The following LOC400499 variants were observed in gnomAD, a reference collection of about 807,000 sequenced individuals.
At chr16:11,514,841 G>A in the LOC400499 span, among the ~76,000 whole-genome samples, 1 of 152,216 alleles carries the variant, frequency 6.6e-6, no homozygotes. Context: ...GCGTCAGTAT[G>A]AAAACATTTC....
At chr16:11,491,743 C>A in the LOC400499 span, 2 of 392,914 alleles carry the variant, frequency 5.1e-6, no homozygotes, top group Non-Finnish European at 9.0e-6. Flanking sequence ...CGCACCTGGG[C>A]AAACACCTCC....
At chr16:11,438,556 A>C in the LOC400499 span, among the ~76,000 whole-genome samples, 1 of 142,886 alleles carries the variant, frequency 7.0e-6, no homozygotes, top group Admixed American at 7.3e-5. Context: ...GGATCACTTG[A>C]GCCCAGGAGC....
At chr16:11,421,158 G>C in the LOC400499 span, among the ~76,000 whole-genome samples, 1 of 152,174 alleles carries the variant, frequency 6.6e-6, no homozygotes, top group East Asian at 1.9e-4. Context: ...GAGACTCAGT[G>C]TGACAGCAGA....
chr16:11,500,977 C>A, the LOC400499 span: 1 of 399,082 alleles, frequency 2.5e-6, no homozygotes. Flanking sequence ...TGCCTGAGAT[C>A]ATCAAGGCGA....
At chr16:11,439,399 T>G in the LOC400499 span, 7 of 397,986 alleles carry the variant, frequency 1.8e-5, no homozygotes, top group Admixed American at 1.3e-4. Context: ...CATCCTGCCT[T>G]CTTTCTGCCC....
the LOC400499 span, among the ~76,000 whole-genome samples, chr16:11,429,666 G>A: frequency 6.6e-6 from 1 of 152,014 alleles, no homozygotes; most frequent in Non-Finnish European, 1.5e-5. Context: ...TAGCGACGGG[G>A]TTTCACCATG....
At chr16:11,477,485 G>A in the LOC400499 span, among the ~76,000 whole-genome samples, 3 of 152,224 alleles carry the variant, frequency 2.0e-5, no homozygotes, top group Non-Finnish European at 4.4e-5. Context: ...CACCAGGCTT[G>A]GTTGGTCGGG....
chr16:11,515,971 C>T, the LOC400499 span: 1 of 393,372 alleles, frequency 2.5e-6, no homozygotes, highest in South Asian at 1.3e-4. Flanking sequence ...ATGAGCGTCC[C>T]CTGCGCAGGG....
the LOC400499 span, chr16:11,401,223 A>AG: frequency 2.5e-6 from 1 of 398,524 alleles, no homozygotes; most frequent in African/African-American, 2.1e-5. Context: ...CGCGGCTCCC[A>AG]CCTCCAGCCC....
chr16:11,380,347 C>T, the LOC400499 span, among the ~76,000 whole-genome samples: 3 of 151,714 alleles, frequency 2.0e-5, no homozygotes, highest in African/African-American at 4.8e-5. Context: ...TGGCCGGACA[C>T]AAGGCGGGCA....
the LOC400499 span, among the ~76,000 whole-genome samples, chr16:11,383,380 T>C: frequency 1.3e-5 from 2 of 152,166 alleles, no homozygotes; most frequent in Admixed American, 1.3e-4. Flanking sequence ...CCAGCTTCTT[T>C]TTAAACAACC....
chr16:11,478,906 G>A, the LOC400499 span, among the ~76,000 whole-genome samples: 2 of 152,168 alleles, frequency 1.3e-5, no homozygotes, highest in Non-Finnish European at 2.9e-5. Flanking sequence ...TTTTAAAAAT[G>A]GGGGTTTCTC....
the LOC400499 span, among the ~76,000 whole-genome samples, chr16:11,463,631 T>G: frequency 6.6e-6 from 1 of 152,192 alleles, no homozygotes; most frequent in Non-Finnish European, 1.5e-5. Context: ...TGCATACAGA[T>G]ATGTCTACAC....
chr16:11,416,765 G>A, the LOC400499 span, among the ~76,000 whole-genome samples: 1 of 152,136 alleles, frequency 6.6e-6, no homozygotes, highest in Non-Finnish European at 1.5e-5. Flanking sequence ...AGGCGTGTGG[G>A]AGAGACACAT....
the LOC400499 span, among the ~76,000 whole-genome samples, chr16:11,408,762 T>G: frequency 2.6e-5 from 4 of 152,158 alleles, no homozygotes; most frequent in African/African-American, 9.7e-5. Context: ...TGCATCCAGT[T>G]GGGACTTTTC....
At chr16:11,386,439 C>A in the LOC400499 span, among the ~76,000 whole-genome samples, 3 of 152,222 alleles carry the variant, frequency 2.0e-5, no homozygotes, top group African/African-American at 4.8e-5. Flanking sequence ...TTCTACAACA[C>A]CAATGTGCTG....
chr16:11,520,264 T>TA, the LOC400499 span, among the ~76,000 whole-genome samples: 18 of 152,010 alleles, frequency 1.2e-4, no homozygotes, highest in African/African-American at 4.3e-4. Flanking sequence ...TTAATCACAG[T>TA]AAAAAAATAA....
the LOC400499 span, among the ~76,000 whole-genome samples, chr16:11,445,768 C>A: frequency 2.0e-5 from 3 of 152,008 alleles, no homozygotes; most frequent in African/African-American, 7.2e-5. Flanking sequence ...AGAATATATC[C>A]CTCTGACTGT....
chr16:11,458,679 T>C, the LOC400499 span, among the ~76,000 whole-genome samples: 2 of 152,134 alleles, frequency 1.3e-5, no homozygotes, highest in East Asian at 1.9e-4. Flanking sequence ...TGGAGATAAG[T>C]AGTGGTGATG....
Sources: allele counts gnomAD v4.1 joint callset (sites outside exome capture counted in the v4.1 genomes callset), GRCh38; gene constraint gnomAD v4.1.1; transcripts MANE v1.5.